Variants in PIK3C2G observed in about 807,000 individuals in gnomAD.
PIK3C2G encodes phosphatidylinositol 3-kinase C2 domain-containing subunit gamma.
A neutral mutation model predicts 181.1 loss-of-function variants in PIK3C2G; 168 were observed. The ratio of observed to expected loss-of-function variants is 0.93; its 90% CI spans 0.82 to 1.05. The LOEUF (loss-of-function observed/expected upper bound fraction) is 1.05, where lower values mean the gene tolerates loss of function less well. Ranked by LOEUF, PIK3C2G falls within the 50% of genes least tolerant of loss-of-function variation. The pLI, the probability that PIK3C2G is intolerant of heterozygous loss-of-function variation, is 0.00. For synonymous variants in PIK3C2G, 573 were observed against 592.2 expected (o/e 0.97, Z 0.47); for missense variants, 1,869 against 1,732.8 (o/e 1.08, Z -1.40).
chr12:18,346,358 G>C (rs1005080839), intron 10 of PIK3C2G, among the ~76,000 whole-genome samples: 2 of 152,146 alleles, frequency 1.3e-5, no homozygotes, highest in Non-Finnish European at 2.9e-5. Context: ...CAGTTGATCA[G>C]AATGTCAAAT....
At chr12:18,313,815 CACA>C in intron 5 of PIK3C2G, 144 bp from the exon 6 acceptor site, 1 of 512,528 alleles carries the variant, frequency 2.0e-6, no homozygotes. Flanking sequence ...CACACACACA[CACA>C]CACACACACA....
intron 29 of PIK3C2G, among the ~76,000 whole-genome samples, chr12:18,572,405 T>C (rs922497284): frequency 6.1e-5 from 9 of 148,594 alleles, no homozygotes. Flanking sequence ...CTTTATGTTA[T>C]TAAATATAAA....
intron 10 of PIK3C2G, among the ~76,000 whole-genome samples, chr12:18,345,420 C>T (rs552010141): frequency 2.0e-5 from 3 of 152,252 alleles, no homozygotes; most frequent in African/African-American, 7.2e-5. Flanking sequence ...GAAAATTAAT[C>T]TACCTTATAT....
chr12:18,616,925 T>C (rs1948632649), intron 31 of PIK3C2G, among the ~76,000 whole-genome samples: 1 of 152,160 alleles, frequency 6.6e-6, no homozygotes, highest in Admixed American at 6.6e-5. Context: ...AATTTTATTT[T>C]TATCCAGTAG....
chr12:18,477,337 T>C (rs1939103719), intron 18 of PIK3C2G, among the ~76,000 whole-genome samples: 1 of 152,130 alleles, frequency 6.6e-6, no homozygotes, highest in African/African-American at 2.4e-5. Flanking sequence ...ATGGAAAGGC[T>C]GAGGTTGGAA....
chr12:18,392,207 A>C (rs568450117), intron 15 of PIK3C2G, among the ~76,000 whole-genome samples: 16 of 152,264 alleles, frequency 1.1e-4, no homozygotes, highest in South Asian at 6.2e-4. Flanking sequence ...ATGATTAATT[A>C]GAATTTTGGA....
At chr12:18,331,096 T>C (rs1039287540) in intron 8 of PIK3C2G, among the ~76,000 whole-genome samples, 2 of 152,164 alleles carry the variant, frequency 1.3e-5, no homozygotes, top group Admixed American at 1.3e-4. Flanking sequence ...CATAAATCTA[T>C]GTCTATCCTA....
At chr12:18,293,029 A>G (rs548934450) in intron 4 of PIK3C2G, among the ~76,000 whole-genome samples, 36 of 152,206 alleles carry the variant, frequency 2.4e-4, no homozygotes, top group Admixed American at 6.5e-5. Context: ...ATACCTATAT[A>G]ATAGGTACAA....
chr12:18,248,310 C>T (rs1471996972), intron 1 of PIK3C2G, among the ~76,000 whole-genome samples: 1 of 152,110 alleles, frequency 6.6e-6, no homozygotes, highest in Non-Finnish European at 1.5e-5. Flanking sequence ...CGGTGGCTCA[C>T]GCCTGTAATC....
At chr12:18,715,552 C>T in the PIK3C2G span, 1 of 152,124 alleles carries the variant, frequency 6.6e-6, no homozygotes, top group Non-Finnish European at 1.5e-5. Context: ...CAGGCGCCCA[C>T]CACCACGCCT....
chr12:18,443,276 A>G (rs1946845444), intron 18 of PIK3C2G, among the ~76,000 whole-genome samples: 1 of 152,172 alleles, frequency 6.6e-6, no homozygotes, highest in Non-Finnish European at 1.5e-5. Flanking sequence ...CCTACTCTGT[A>G]CATGGTGCTG....
At chr12:18,488,705 C>T in intron 19 of PIK3C2G, 76 bp downstream of exon 19, 3 of 922,532 alleles carry the variant, frequency 3.3e-6, no homozygotes, top group Admixed American at 4.0e-5. Flanking sequence ...TCATTGTTTG[C>T]AAAGCAAATT....
chr12:18,399,698 C>A lies in PIK3C2G; in HGVS notation c.2166C>A (p.Arg722=). 1 of 1,596,372 alleles carries A rather than the reference C, an allele frequency of 6.3e-7. No homozygotes were observed. Among genetic ancestry groups the A allele is most frequent in the Middle Eastern group, 1.7e-4 (1 of 5,970 alleles). Reference sequence around the variant, plus strand: ...AGAAAAGATATTTATGGTTTTATCGCTTCTACTGCAATAATGAAAACTGCT... The same window carrying A: ...AGAAAAGATATTTATGGTTTTATCGATTCTACTGCAATAATGAAAACTGCT... The part of the protein sequence containing the change: ...EEKKRYLWFY[R]FYCNNENCSL... The change falls in exon 16 of 33, where the codon CGC becomes CGA. Residue 722 remains arginine (R), a synonymous_variant. Transcript: ENST00000538779.
chr12:18,464,632 A>C (rs1213010829), intron 18 of PIK3C2G, among the ~76,000 whole-genome samples: 1 of 152,064 alleles, frequency 6.6e-6, no homozygotes, highest in Non-Finnish European at 1.5e-5. Context: ...TGACCTTATC[A>C]CTAATGTTTA....
chr12:18,514,433 A>G (rs1942403326), intron 24 of PIK3C2G, among the ~76,000 whole-genome samples: 1 of 151,842 alleles, frequency 6.6e-6, no homozygotes, highest in South Asian at 2.1e-4. Flanking sequence ...TCTTTAATGC[A>G]TAATAGTTTT....
chr12:18,273,226 G>C (rs1425494401), intron 1 of PIK3C2G, among the ~76,000 whole-genome samples: 1 of 152,134 alleles, frequency 6.6e-6, no homozygotes, highest in African/African-American at 2.4e-5. Flanking sequence ...TTATTAAATA[G>C]GGAATCCTTT....
intron 28 of PIK3C2G, among the ~76,000 whole-genome samples, chr12:18,564,566 G>A (rs553409742): frequency 4.8e-4 from 73 of 151,900 alleles, no homozygotes; most frequent in African/African-American, 1.6e-3. Context: ...AACTGTACTG[G>A]CATATGTAAC....
intron 30 of PIK3C2G, among the ~76,000 whole-genome samples, chr12:18,597,678 T>C (rs2136513972): frequency 6.6e-6 from 1 of 152,014 alleles, no homozygotes; most frequent in East Asian, 1.9e-4. Context: ...AAATAAAGGG[T>C]ATTCAATTAG....
intron 16 of PIK3C2G, among the ~76,000 whole-genome samples, chr12:18,400,430 G>T (rs1944182557): frequency 6.6e-6 from 1 of 152,108 alleles, no homozygotes; most frequent in Non-Finnish European, 1.5e-5. Context: ...AGTCTTCCTT[G>T]GTTTTCCTTT....
Sources: gnomAD v4.1 joint callset for allele counts (sites outside exome capture counted in the v4.1 genomes callset) on GRCh38, gnomAD v4.1.1 for gene constraint, MANE v1.5 for transcripts, NCBI Gene and HGNC (gene_info 2026-07-23, HGNC 2026-07-21) for gene names.